Variants in DNAJB1 observed in about 807,000 individuals in gnomAD.
The protein encoded by DNAJB1 is DnaJ heat shock protein family (Hsp40) member B1.
In DNAJB1, 14 loss-of-function variants were observed where a neutral mutation model predicts 24.0. The observed-to-expected ratio is 0.58, with a 90% CI of 0.39 to 0.91. The LOEUF (loss-of-function observed/expected upper bound fraction) is 0.91. DNAJB1 is among the 40% of genes least tolerant of loss of function. DNAJB1 has a pLI of 0.00. For missense variants in DNAJB1, 517 were observed against 458.1 expected (o/e 1.13, Z -1.17); for synonymous variants, 262 against 174.4 (o/e 1.50, Z -3.96).
chr19:14,519,540 G>T (rs941703792), upstream of DNAJB1, among the ~76,000 whole-genome samples: 8 of 152,050 alleles, frequency 5.3e-5, no homozygotes, highest in African/African-American at 1.9e-4. Flanking sequence ...TCCCAGTCCC[G>T]CCTTCTTCCC....
At chr19:14,529,818 G>C, upstream of DNAJB1, 1 of 1,533,150 alleles carries the variant, frequency 6.5e-7, no homozygotes, top group Non-Finnish European at 9.0e-7. Flanking sequence ...CGAAGGAAGA[G>C]CCAGACGGCG....
chr19:14,543,178 G>T (rs2073159607), intron 1 of DNAJB1, among the ~76,000 whole-genome samples: 1 of 149,956 alleles, frequency 6.7e-6, no homozygotes, highest in Non-Finnish European at 1.5e-5. Flanking sequence ...TCCTTGTGGG[G>T]AGAAGCTGTT....
At chr19:14,527,422 CT>C (rs1388760776) in intron 2 of DNAJB1, 2 of 152,116 alleles carry the variant, frequency 1.3e-5, no homozygotes, top group Non-Finnish European at 2.9e-5. Context: ...TCAGGTGATC[CT>C]CCTGCCTCGG....
At chr19:14,557,542 C>G (rs1191071866) in intron 1 of DNAJB1, among the ~76,000 whole-genome samples, 2 of 149,756 alleles carry the variant, frequency 1.3e-5, no homozygotes, top group Non-Finnish European at 3.0e-5. Context: ...ACCTCCTCCT[C>G]CTGGGTTCAA....
At position 14,516,298 on chromosome 19, in the gene DNAJB1, C is replaced by A; in HGVS notation, c.793-128G>T. 5.5e-6 allele frequency: 7 copies of A among 1,278,446 alleles called. No individual in the cohort carries two copies. The South Asian group carries it at 9.3e-5, about 17-fold the overall frequency. 79.2% of individuals were successfully genotyped at this position (1,278,446 alleles called of 1,614,324 possible). A position where few individuals can be genotyped will look rare whatever the true frequency, so the allele number is the denominator to read the frequency against. ...CTAAGACCTGGCCCCCAAATCTACA[C>A]GTCCCCACCACGAAAGCTCCACAAC... On this transcript the variant is annotated intron_variant, in intron 2 of 2. Transcript: ENST00000254322.
upstream of DNAJB1, chr19:14,532,552 A>G (rs917927344): frequency 6.7e-6 from 1 of 149,602 alleles, no homozygotes; most frequent in African/African-American, 2.5e-5. Context: ...CTTCAAACTC[A>G]CTGTTCAAAG....
upstream of DNAJB1, chr19:14,529,828 G>T: frequency 2.0e-6 from 3 of 1,476,444 alleles, no homozygotes; most frequent in Admixed American, 3.6e-5. Context: ...GCCAGACGGC[G>T]CAGGCGCAGT....
rs945521786 is a variant in DNAJB1 at position 14,525,392 on chromosome 19, T to A, written c.-90+2334A>T. Among the ~76,000 whole-genome samples, 4 of 152,126 alleles carry A rather than the reference T, an allele frequency of 2.6e-5. No individual in the cohort carries two copies. In the East Asian group the frequency reaches 7.7e-4, roughly 29 times the overall value. On this transcript the variant is annotated intron_variant, in intron 2 of 3. Coordinates refer to the DNAJB1 transcript ENST00000396969. ...TGTTTGCTGAGGCTTTATTAGTTAT[T>A]ACCAACAGCAGTTAAACCCTAACTG...
intron 2 of DNAJB1, 131 bp downstream of exon 2, chr19:14,516,335 C>G (rs2072261166): frequency 7.9e-7 from 1 of 1,266,926 alleles, no homozygotes; most frequent in Non-Finnish European, 1.1e-6. Context: ...GCGCCCTGGT[C>G]AGTCCTGTTC....
chr19:14,533,276 T>A (rs1301252185), upstream of DNAJB1, among the ~76,000 whole-genome samples: 1 of 151,578 alleles, frequency 6.6e-6, no homozygotes, highest in East Asian at 1.9e-4. Flanking sequence ...AAAAATTAGC[T>A]GGGTGTGGTG....
chr19:14,545,265 G>A, intron 1 of DNAJB1: 1 of 453,346 alleles, frequency 2.2e-6, no homozygotes, highest in East Asian at 7.0e-5. Flanking sequence ...CCAGCCTCCG[G>A]GTGTCACCCG....
chr19:14,539,229 C>T (rs1355487680), intron 1 of DNAJB1, among the ~76,000 whole-genome samples: 3 of 139,130 alleles, frequency 2.2e-5, no homozygotes, highest in African/African-American at 8.2e-5. Context: ...CTCCTGACTT[C>T]GTGATCCACC....
intron 2 of DNAJB1, among the ~76,000 whole-genome samples, chr19:14,524,887 C>G (rs2072402377): frequency 6.9e-6 from 1 of 145,328 alleles, no homozygotes; most frequent in African/African-American, 2.6e-5. Flanking sequence ...CCATATGAGC[C>G]AACAATCCCA....
intron 1 of DNAJB1, chr19:14,517,875 C>T (rs2146523220): frequency 5.4e-6 from 2 of 368,272 alleles, no homozygotes; most frequent in Admixed American, 4.7e-5. Context: ...CACCCCGGGG[C>T]TGCTCGGGGC....
In DNAJB1 at chr19:14,536,122, C is replaced by T. The variant is rs545937025; in HGVS notation, c.-213-8312G>A. ...CTTTTCCAGGGCTGCAGGCCAGTTC[C>T]CCTTTGGGTTGGGCAGTATTGATTG... On this transcript the variant is annotated intron_variant, in intron 1 of 3. Transcript: ENST00000676982. Among the ~76,000 whole-genome samples, 16 of 152,260 alleles carry T rather than the reference C, an allele frequency of 1.1e-4. No homozygotes were observed. The East Asian group carries it at 2.5e-3, about 24-fold the overall frequency.
chr19:14,516,104 C>T lies in DNAJB1; in HGVS notation c.859G>A (p.Asp287Asn), dbSNP rs764521482. 5.6e-6 allele frequency: 9 copies of T among 1,613,854 alleles called. No homozygotes were observed. The East Asian group carries it at 8.9e-5, about 16-fold the overall frequency. The change falls in exon 3 of 3, where the codon GAT (aspartate) becomes AAT (asparagine). Residue 287 changes from aspartate to asparagine, a missense_variant. Transcript: ENST00000254322. ...CGCCGCATGCCAGGCCTGATAACAT[C>T]TTTGAATACGACGGGTATCGTCCTG... The part of the protein sequence containing the change: ...DGRTIPVVFK[D>N]VIRPGMRRKV...
At chr19:14,553,511 G>C (rs1346304478), upstream of DNAJB1, among the ~76,000 whole-genome samples, 2 of 152,300 alleles carry the variant, frequency 1.3e-5, no homozygotes, top group East Asian at 3.9e-4. Context: ...GGCCACTGGG[G>C]AAGGTGGTAT....
intron 2 of DNAJB1, among the ~76,000 whole-genome samples, chr19:14,527,040 C>G (rs76889910): frequency 0.014 from 2,160 of 151,752 alleles, 65 homozygotes; most frequent in African/African-American, 0.049. Context: ...CCCATCTCTA[C>G]TAAAAAATTA....
At position 14,516,349 on chromosome 19, in the gene DNAJB1, G is replaced by C. The variant is rs45441998; in HGVS notation, c.792+117C>G. 2.2e-3 allele frequency: 2,841 copies of C among 1,306,076 alleles called. 3 individuals are homozygous for C. The highest frequency in any genetic ancestry group is 2.7e-3 in the Non-Finnish European group (2,599 of 949,352). The allele number at this position is 1,306,076 out of a possible 1,614,324, so 80.9% of individuals were successfully genotyped here. Reference sequence around the variant, plus strand: ...AGCGCCCTGGTCAGTCCTGTTCACTGTTGTGCCCCAAGCCTGGCACGCACC... The same window carrying C: ...AGCGCCCTGGTCAGTCCTGTTCACTCTTGTGCCCCAAGCCTGGCACGCACC... On this transcript the variant is annotated intron_variant, in intron 2 of 2. Transcript: ENST00000254322.
Sources: gnomAD v4.1 joint callset for allele counts (sites outside exome capture counted in the v4.1 genomes callset) on GRCh38, gnomAD v4.1.1 for gene constraint, MANE v1.5 for transcripts, NCBI Gene and HGNC (gene_info 2026-07-23, HGNC 2026-07-21) for gene names.